Variants in WWTR1 observed in about 807,000 individuals in gnomAD.
The protein encoded by WWTR1 is WW domain-containing transcription regulator protein 1.
A neutral mutation model predicts 40.1 loss-of-function variants in WWTR1; 13 were observed. The ratio of observed to expected loss-of-function variants is 0.32; its 90% CI spans 0.21 to 0.52. The LOEUF (loss-of-function observed/expected upper bound fraction) is 0.52, where lower values mean the gene tolerates loss of function less well. Among genes scored for constraint, WWTR1 ranks in the 20% least tolerant of loss-of-function variants. WWTR1 has a pLI of 0.97. For synonymous variants in WWTR1, 230 were observed against 210.1 expected (o/e 1.09, Z -0.82); for missense variants, 436 against 523.1 (o/e 0.83, Z 1.63).
chr3:149,722,256 A>T (rs1715772379), intron 4 of WWTR1, among the ~76,000 whole-genome samples: 1 of 150,488 alleles, frequency 6.6e-6, no homozygotes, highest in African/African-American at 2.4e-5. Flanking sequence ...CTCTGCTCTA[A>T]TCTTTATTAT....
At chr3:149,563,179 T>C (rs1331111901) in intron 3 of WWTR1, among the ~76,000 whole-genome samples, 4 of 152,190 alleles carry the variant, frequency 2.6e-5, no homozygotes, top group Non-Finnish European at 5.9e-5. Flanking sequence ...TTAGACTCCA[T>C]TACAAATTAA....
At chr3:149,538,360 GC>G (rs1735927971) in intron 4 of WWTR1, among the ~76,000 whole-genome samples, 1 of 152,000 alleles carries the variant, frequency 6.6e-6, no homozygotes, top group Admixed American at 6.6e-5. Context: ...ACCTGAAGTA[GC>G]CTCACAGCCT....
At chr3:149,644,875 CAG>C (rs1053419673) in intron 2 of WWTR1, among the ~76,000 whole-genome samples, 148 of 152,176 alleles carry the variant, frequency 9.7e-4, no homozygotes, top group African/African-American at 3.3e-3. Flanking sequence ...TTTTTTGAGA[CAG>C]AGTCTTGCTC....
rs937920101 is a variant in WWTR1, at chr3:149,579,668, A to C, written c.432-6668T>G. Among the ~76,000 whole-genome samples, 84 of 152,212 alleles carry C rather than the reference A, an allele frequency of 5.5e-4. 5 individuals are homozygous for C. Among genetic ancestry groups the C allele is most frequent in the Non-Finnish European group, 4.4e-5 (3 of 68,048 alleles). ...CTCTTAAAAAACAAAAAAGAAAAAA[A>C]GCTGCCAAGCCTATGATATTTACAA... On this transcript the variant is annotated intron_variant, in intron 2 of 6. Transcript: ENST00000360632.
intron 3 of WWTR1, among the ~76,000 whole-genome samples, chr3:149,563,099 G>A (rs1235841668): frequency 6.6e-6 from 1 of 152,128 alleles, no homozygotes; most frequent in African/African-American, 2.4e-5. Context: ...AAGTCAGCCA[G>A]CAAACAGGAT....
At chr3:149,642,353 G>T in intron 2 of WWTR1, among the ~76,000 whole-genome samples, 1 of 152,028 alleles carries the variant, frequency 6.6e-6, no homozygotes, top group Non-Finnish European at 1.5e-5. Context: ...CCAGGAGGCA[G>T]AGGTTGCGGT....
chr3:149,676,179 A>C (rs1714251382), intron 1 of WWTR1, among the ~76,000 whole-genome samples: 1 of 152,140 alleles, frequency 6.6e-6, no homozygotes, highest in African/African-American at 2.4e-5. Flanking sequence ...AAGGAGAGAG[A>C]TGTCCTTGTC....
chr3:149,577,161 G>GAAAAAACA (rs1553794487), intron 2 of WWTR1, among the ~76,000 whole-genome samples: 2 of 151,762 alleles, frequency 1.3e-5, no homozygotes, highest in African/African-American at 4.9e-5. Flanking sequence ...CAGTCTCAAA[G>GAAAAAACA]AACAAACAAA....
chr3:149,563,728 T>C (rs1171691963), intron 3 of WWTR1, among the ~76,000 whole-genome samples: 4 of 152,184 alleles, frequency 2.6e-5, no homozygotes, highest in Non-Finnish European at 4.4e-5. Flanking sequence ...TGTGCTAACG[T>C]ACACAATTCT....
intron 2 of WWTR1, among the ~76,000 whole-genome samples, chr3:149,622,537 G>T (rs1169792691): frequency 6.6e-6 from 1 of 150,738 alleles, no homozygotes; most frequent in Non-Finnish European, 1.5e-5. Context: ...AAGAAAGAAA[G>T]AAAGAAAAAG....
chr3:149,544,597 A>G (rs1009316086), intron 3 of WWTR1, among the ~76,000 whole-genome samples: 8 of 152,178 alleles, frequency 5.3e-5, no homozygotes, highest in Non-Finnish European at 1.0e-4. Flanking sequence ...TAACCCAGAA[A>G]GGTTAAGGGA....
intron 2 of WWTR1, among the ~76,000 whole-genome samples, chr3:149,607,825 T>G (rs548837624): frequency 3.7e-4 from 56 of 152,292 alleles, no homozygotes; most frequent in African/African-American, 1.3e-3. Flanking sequence ...CCTCTGGTAA[T>G]TCAAAAACAT....
chr3:149,578,646 C>A (rs566111967), intron 2 of WWTR1, among the ~76,000 whole-genome samples: 5 of 152,186 alleles, frequency 3.3e-5, no homozygotes, highest in African/African-American at 1.2e-4. Flanking sequence ...GCCTGTAATC[C>A]CAGCACTTTG....
chr3:149,572,393 T>C (rs960672466), intron 3 of WWTR1, among the ~76,000 whole-genome samples: 2 of 152,156 alleles, frequency 1.3e-5, no homozygotes, highest in African/African-American at 4.8e-5. Context: ...CGTGTATGTG[T>C]CCTACTTGCC....
intron 1 of WWTR1, among the ~76,000 whole-genome samples, chr3:149,676,116 C>T (rs1220635812): frequency 1.3e-5 from 2 of 152,004 alleles, no homozygotes; most frequent in African/African-American, 2.4e-5. Flanking sequence ...TACCTCCAGG[C>T]GGAATCCAGC....
At chr3:149,580,090 C>A (rs115389565) in intron 2 of WWTR1, among the ~76,000 whole-genome samples, 1 of 152,180 alleles carries the variant, frequency 6.6e-6, no homozygotes, top group Admixed American at 6.5e-5. Context: ...TACAAGTATG[C>A]AAAAGGTGGT....
chr3:149,694,345 G>A (rs1714914369), intron 1 of WWTR1, among the ~76,000 whole-genome samples: 1 of 152,210 alleles, frequency 6.6e-6, no homozygotes, highest in South Asian at 2.1e-4. Context: ...AGTGAGCCGA[G>A]ATCGCATCAC....
Position 149,631,111 on chromosome 3 carries a change from A to T in WWTR1, c.431+25765T>A, listed in dbSNP as rs149319115. On this transcript the variant is annotated intron_variant, in intron 2 of 6. Coordinates refer to ENST00000360632, the MANE Select transcript of WWTR1 (RefSeq NM_015472.6). ...GAAATGCCAGGCAAGAGCTGTCCCC[A>T]CTCACCTGGGGTCAGAATAGAGGAA... 4.6e-5 allele frequency among the ~76,000 whole-genome samples: 7 copies of T among 152,234 alleles called. No individual in the cohort carries two copies. The South Asian group carries it at 1.0e-3, about 23-fold the overall frequency.
intron 2 of WWTR1, among the ~76,000 whole-genome samples, chr3:149,664,544 G>A (rs1713722565): frequency 6.6e-6 from 1 of 151,100 alleles, no homozygotes; most frequent in Non-Finnish European, 1.5e-5. Flanking sequence ...CTGGCATGAT[G>A]ATAAGGAAGA....
Sources: gnomAD v4.1 joint callset for allele counts (sites outside exome capture counted in the v4.1 genomes callset) on GRCh38, gnomAD v4.1.1 for gene constraint, MANE v1.5 for transcripts, NCBI Gene and HGNC (gene_info 2026-07-23, HGNC 2026-07-21) for gene names.